The following PET117 variants were observed in gnomAD, a reference collection of about 807,000 sequenced individuals.
The protein encoded by PET117 is PET117 cytochrome c oxidase chaperone, also known as protein PET117 homolog, mitochondrial.
Under a neutral mutation model 9.2 loss-of-function variants are expected in PET117, and 10 were observed. That is an observed-to-expected ratio of 1.09 (90% CI 0.67 to 1.85). The LOEUF is 1.85. Ranked by LOEUF, PET117 falls within the 40% of genes most tolerant of loss-of-function variation. The pLI is 0.00. For synonymous variants in PET117, 43 were observed against 37.1 expected, an observed-to-expected ratio of 1.16 and a Z score of -0.57; for missense variants, 96 against 98.2, an observed-to-expected ratio of 0.98 and a Z score of 0.09.
intron 1 of PET117, among the ~76,000 whole-genome samples, chr20:18,140,195 C>T (rs1035152102): frequency 2.6e-5 from 4 of 151,526 alleles, no homozygotes; most frequent in South Asian, 2.1e-4. Flanking sequence ...GGGTGGGTAT[C>T]GGTGTGTCAT....
rs1237034242 is a variant in PET117, at chr20:18,142,600, T to G, written c.*243T>G. On this transcript the variant is annotated 3_prime_UTR_variant, in exon 2 of 2. Coordinates refer to ENST00000432901, the MANE Select transcript of PET117 (RefSeq NM_001164811.2). The stretch of plus-strand genomic sequence containing the variant: ...GATCCTGGTAGAAGCCCCATTAGGG[T>G]CACTGTCCAGTGCTTAGGGTTGTTA... 6.3e-7 allele frequency: 1 copy of G among 1,599,332 alleles called. No individual in the cohort carries two copies. Among genetic ancestry groups the G allele is most frequent in the African/African-American group, 1.3e-5 (1 of 74,632 alleles).
rs747665536 is a variant in PET117 at position 18,142,246 on chromosome 20, A to G, written c.135A>G (p.Gln45=). The part of the protein sequence containing the change: ...RDGVIRDIER[Q]IRKKENIRLL... ...GAGTTATCAGAGACATTGAGAGGCAAATTCGGAAAAAAGAAAACATTCGTC... is the reference window on the plus strand; with the variant it reads ...GAGTTATCAGAGACATTGAGAGGCAGATTCGGAAAAAAGAAAACATTCGTC... The change falls in exon 2 of 2, where the codon CAA becomes CAG. Residue 45 remains glutamine, a synonymous_variant. Transcript: ENST00000432901. 1 of 1,537,110 alleles carries G rather than the reference A, an allele frequency of 6.5e-7. No homozygotes were observed. Among genetic ancestry groups the G allele is most frequent in the Admixed American group, 2.0e-5 (1 of 50,970 alleles).
In PET117 at chr20:18,142,810, A is replaced by G; in HGVS notation, c.*453A>G. On this transcript the variant is annotated 3_prime_UTR_variant, in exon 2 of 2. Transcript: ENST00000432901. ...CCGAGGATCAGGCATCAGTGGACTT[A>G]TCGCACGACCAGAGTGGGGATTCCC... The G allele has an allele frequency of 6.2e-7, 1 of 1,614,222 alleles. No homozygotes were observed. Among genetic ancestry groups the G allele is most frequent in the East Asian group, 2.2e-5 (1 of 44,884 alleles).
At position 18,142,356 on chromosome 20, in the gene PET117, G is replaced by C; in HGVS notation, c.245G>C (p.Ter82SerextTer41). ...TTGGCAAAAGGATCTCAAAAATCAT[G>C]ACTTGAATGTGAAATATCTGTTGGA... ...MLLAKGSQKS* is the reference protein window; with the variant it reads ...MLLAKGSQKSS The change falls in exon 2 of 2, where the codon TGA becomes TCA. Residue 82 changes from the stop codon to serine (S), a stop_lost. Transcript: ENST00000432901. 3.3e-6 allele frequency: 5 copies of C among 1,535,956 alleles called. No homozygotes were observed. The highest frequency in any genetic ancestry group is 3.3e-4 in the Middle Eastern group (2 of 5,988).
intron 1 of PET117, 184 bp downstream of exon 1, chr20:18,138,235 C>T (rs1600210663): frequency 2.4e-6 from 3 of 1,247,616 alleles, no homozygotes; most frequent in East Asian, 6.5e-5. Context: ...CCGGGCGCTG[C>T]AGCTCCCGGC....
chr20:18,138,234 G>T, intron 1 of PET117, 183 bp downstream of exon 1: 1 of 1,248,230 alleles, frequency 8.0e-7, no homozygotes, highest in South Asian at 3.1e-5. Context: ...TCCGGGCGCT[G>T]CAGCTCCCGG....
At chr20:18,138,081 C>T (rs1568660342) in intron 1 of PET117, 30 bp downstream of exon 1, 2 of 1,443,672 alleles carry the variant, frequency 1.4e-6, no homozygotes, top group African/African-American at 1.5e-5. Flanking sequence ...CTCTTCCGGG[C>T]CCGCGCGCGC....
chr20:18,140,958 G>A (rs1478361447), intron 1 of PET117, among the ~76,000 whole-genome samples: 4 of 148,882 alleles, frequency 2.7e-5, no homozygotes, highest in Admixed American at 6.7e-5. Flanking sequence ...CCCAGGCTGA[G>A]GTGATCCTAT....
In PET117 at chr20:18,142,311, C is replaced by T; in HGVS notation, c.200C>T (p.Ala67Val). The change falls in exon 2 of 2, where the codon GCA becomes GTA. Residue 67 changes from alanine (A) to valine (V), a missense_variant. Ala to Val is a moderately conservative substitution (Grantham distance 64). Transcript: ENST00000432901. Reference sequence around the variant, plus strand: ...ATTATTTTGACTGAGCAACTTGAAGCAGAAAGAGAGAAGATGTTATTGGCA... The same window carrying T: ...ATTATTTTGACTGAGCAACTTGAAGTAGAAAGAGAGAAGATGTTATTGGCA... ...EQIILTEQLE[A>V]EREKMLLAKG... 1 of 1,536,932 alleles carries T rather than the reference C, an allele frequency of 6.5e-7. No homozygotes were observed. The highest frequency in any genetic ancestry group is 8.7e-7 in the Non-Finnish European group (1 of 1,146,824).
At chr20:18,138,211 C>A (rs941763622) in intron 1 of PET117, 160 bp downstream of exon 1, 1 of 1,269,028 alleles carries the variant, frequency 7.9e-7, no homozygotes, top group Non-Finnish European at 9.9e-7. Flanking sequence ...GGCCGGCGGC[C>A]GCTCTGCTGG....
chr20:18,138,092 G>T, intron 1 of PET117, 41 bp downstream of exon 1: 2 of 1,438,420 alleles, frequency 1.4e-6, no homozygotes, highest in South Asian at 1.4e-5. Flanking sequence ...CCGCGCGCGC[G>T]GCGTCGACCT....
Position 18,143,165 on chromosome 20 carries a change from G to A in PET117, c.*808G>A. 1 of 1,224,750 alleles carries A rather than the reference G, an allele frequency of 8.2e-7. No homozygotes were observed. Among genetic ancestry groups the A allele is most frequent in the Non-Finnish European group, 1.0e-6 (1 of 977,650 alleles). The allele number at this position is 1,224,750 out of a possible 1,614,324, so 75.9% of individuals were successfully genotyped here. ...GTAACTCAATAAAATTGAGAAAATT[G>A]GAAATCCTGTGTTACTTAAAGAATT... On this transcript the variant is annotated 3_prime_UTR_variant, in exon 2 of 2. Transcript: ENST00000432901.
intron 1 of PET117, among the ~76,000 whole-genome samples, chr20:18,138,736 C>T (rs1229968619): frequency 6.6e-5 from 10 of 152,062 alleles, no homozygotes; most frequent in Admixed American, 6.6e-4. Context: ...ATATCCGTGA[C>T]CTGCTGATCA....
intron 1 of PET117, among the ~76,000 whole-genome samples, chr20:18,141,048 T>G (rs796874031): frequency 0.18 from 5,724 of 32,090 alleles, 230 homozygotes; most frequent in Admixed American, 0.28. Context: ...TTTTTTTTTA[T>G]TTTTATTTTT....
Position 18,141,030 on chromosome 20 carries a change from T to TTTTA in PET117, c.97-1175_97-1174insATTT, listed in dbSNP as rs1317274677. 3.5e-4 allele frequency among the ~76,000 whole-genome samples: 5 copies of TTTTA among 14,324 alleles called. No individual in the cohort carries two copies. In the East Asian group the frequency reaches 7.2e-3, roughly 21 times the overall value. 9.4% of individuals were successfully genotyped at this position (14,324 alleles called of 152,430 possible). On this transcript the variant is annotated intron_variant, in intron 1 of 1. Coordinates refer to ENST00000432901, the MANE Select transcript of PET117 (RefSeq NM_001164811.2). ...ACACCACCACTCCCTGCAATTTTTT[T>TTTTA]TTTTTTTTTTTTTTTTATTTTTATT...
chr20:18,138,883 A>G (rs994162141), intron 1 of PET117, among the ~76,000 whole-genome samples: 1 of 152,242 alleles, frequency 6.6e-6, no homozygotes, highest in African/African-American at 2.4e-5. Flanking sequence ...CCACTCTTCC[A>G]GAGTCTATCA....
At chr20:18,140,818 C>CAAAAA (rs1157203058) in intron 1 of PET117, among the ~76,000 whole-genome samples, 1 of 79,056 alleles carries the variant, frequency 1.3e-5, no homozygotes, top group African/African-American at 5.1e-5. Context: ...GACTCCTTCT[C>CAAAAA]AAAAAAAAAA....
At position 18,142,759 on chromosome 20, in the gene PET117, G is replaced by A; in HGVS notation, c.*402G>A. On this transcript the variant is annotated 3_prime_UTR_variant, in exon 2 of 2. Transcript: ENST00000432901. The stretch of plus-strand genomic sequence containing the variant: ...AAGGACTGGAGGAAGGTGAAGTGGA[G>A]GGAGAGACGCTCCTGATCGTCGAAT... The A allele has an allele frequency of 6.2e-7, 1 of 1,614,228 alleles. No individual in the cohort carries two copies. The highest frequency in any genetic ancestry group is 1.6e-4 in the Middle Eastern group (1 of 6,062).
In PET117 at chr20:18,142,491, G is replaced by T. The variant is rs1325961495; in HGVS notation, c.*134G>T. 1 of 1,456,164 alleles carries T rather than the reference G, an allele frequency of 6.9e-7. No homozygotes were observed. The highest frequency in any genetic ancestry group is 9.0e-7 in the Non-Finnish European group (1 of 1,108,828). The allele number at this position is 1,456,164 out of a possible 1,614,324, so 90.2% of individuals were successfully genotyped here. A position where few individuals can be genotyped will look rare whatever the true frequency, so the allele number is the denominator to read the frequency against. ...AACTTGATCAAATAAAGGACAGTGG[G>T]TCATATAAGTTACTGCTTTCAGGGT... is the stretch of plus-strand genomic sequence containing the variant. On this transcript the variant is annotated 3_prime_UTR_variant, in exon 2 of 2. Coordinates refer to ENST00000432901, the MANE Select transcript of PET117 (RefSeq NM_001164811.2).
Sources: allele counts gnomAD v4.1 joint callset (sites outside exome capture counted in the v4.1 genomes callset), GRCh38; gene constraint gnomAD v4.1.1; transcripts MANE v1.5; gene names NCBI Gene and HGNC (gene_info 2026-07-23, HGNC 2026-07-21).